The following MARCHF1 variants were observed in gnomAD, a reference collection of about 807,000 sequenced individuals.
MARCHF1 encodes the protein E3 ubiquitin-protein ligase MARCHF1.
A neutral mutation model predicts 54.2 loss-of-function variants in MARCHF1; 40 were observed. That is an observed-to-expected ratio of 0.74 (90% CI 0.57 to 0.96). The LOEUF (loss-of-function observed/expected upper bound fraction) is 0.96, where lower values mean the gene tolerates loss of function less well. Among genes scored for constraint, MARCHF1 ranks in the 40% least tolerant of loss-of-function variants. The pLI is 0.00. For synonymous variants in MARCHF1, 236 were observed against 236.3 expected (o/e 1.00, Z 0.01); for missense variants, 586 against 656.5 (o/e 0.89, Z 1.17).
intron 3 of MARCHF1, among the ~76,000 whole-genome samples, chr4:163,936,624 G>C (rs1751801672): frequency 6.6e-6 from 1 of 152,116 alleles, no homozygotes; most frequent in African/African-American, 2.4e-5. Flanking sequence ...GAGGCCTCTG[G>C]GAGCAGGCAC....
At position 163,737,160 on chromosome 4, in the gene MARCHF1, CTTTCTTTTTTTTTT is replaced by C. The variant is rs1330351252; in HGVS notation, c.112-36311_112-36298del. ...ACTTATCAGCGCTCGCAGCTTTTTT[CTTTCTTTTTTTTTT>C]TTTTTTTTCACATATTAGTTTATTT... On this transcript the variant is annotated intron_variant, in intron 4 of 9. Coordinates refer to ENST00000514618, the MANE Select transcript of MARCHF1 (RefSeq NM_001394959.1). Among the ~76,000 whole-genome samples the C allele has an allele frequency of 1.7e-4, 7 of 41,000 alleles. 1 individual carries two copies. Among genetic ancestry groups the C allele is most frequent in the African/African-American group, 8.6e-4 (7 of 8,140 alleles). 26.9% of individuals were successfully genotyped at this position (41,000 alleles called of 152,430 possible). A position where few individuals can be genotyped will look rare whatever the true frequency, so the allele number is the denominator to read the frequency against.
chr4:164,262,600 T>C (rs1422346485), intron 1 of MARCHF1, among the ~76,000 whole-genome samples: 2 of 152,182 alleles, frequency 1.3e-5, no homozygotes, highest in African/African-American at 4.8e-5. Flanking sequence ...ACCACTTGTC[T>C]TTTTTCAAGG....
At chr4:163,645,837 C>T (rs1042979887) in intron 5 of MARCHF1, among the ~76,000 whole-genome samples, 2 of 152,048 alleles carry the variant, frequency 1.3e-5, no homozygotes, top group Admixed American at 6.6e-5. Flanking sequence ...CAATAAGGGT[C>T]CTTTGGGGCA....
At chr4:163,700,504 A>G (rs1744774082) in intron 5 of MARCHF1, among the ~76,000 whole-genome samples, 1 of 146,502 alleles carries the variant, frequency 6.8e-6, no homozygotes, top group Admixed American at 7.0e-5. Context: ...GACTCTGTCT[A>G]AAAAGATAGA....
intron 5 of MARCHF1, among the ~76,000 whole-genome samples, chr4:163,644,761 G>T (rs964958544): frequency 2.6e-5 from 4 of 152,126 alleles, no homozygotes; most frequent in Non-Finnish European, 5.9e-5. Flanking sequence ...GTCCATGAAC[G>T]GACCTGAAAG....
intron 1 of MARCHF1, among the ~76,000 whole-genome samples, chr4:164,176,754 T>G (rs1730673656): frequency 6.6e-6 from 1 of 151,706 alleles, no homozygotes; most frequent in Non-Finnish European, 1.5e-5. Flanking sequence ...TAGCAGGGGC[T>G]TTAATTTTAT....
chr4:164,356,780 CAA>C (rs58855405), intron 1 of MARCHF1, among the ~76,000 whole-genome samples: 9 of 103,244 alleles, frequency 8.7e-5, no homozygotes, highest in Admixed American at 3.4e-4. Flanking sequence ...AAAAGAAAAG[CAA>C]AAAAAAAAAA....
intron 5 of MARCHF1, 97 bp from the exon 6 acceptor site, chr4:163,613,490 G>A (rs934314041): frequency 8.7e-6 from 14 of 1,611,484 alleles, no homozygotes; most frequent in African/African-American, 4.0e-5. Context: ...TACAACAAAC[G>A]TGGCTGCTGG....
intron 5 of MARCHF1, among the ~76,000 whole-genome samples, chr4:163,619,480 C>G (rs1031924587): frequency 6.6e-6 from 1 of 151,962 alleles, no homozygotes; most frequent in Admixed American, 6.6e-5. Flanking sequence ...TCAGTAGGAT[C>G]CAGAAATGAG....
At chr4:163,889,625 T>C (rs960794896) in intron 3 of MARCHF1, among the ~76,000 whole-genome samples, 1 of 152,168 alleles carries the variant, frequency 6.6e-6, no homozygotes, top group African/African-American at 2.4e-5. Flanking sequence ...TCTCAGATTA[T>C]AGTCTCATTG....
intron 4 of MARCHF1, among the ~76,000 whole-genome samples, chr4:163,770,516 C>T (rs1747123336): frequency 6.8e-6 from 1 of 147,062 alleles, no homozygotes; most frequent in Admixed American, 6.9e-5. Context: ...CATTTTCCCT[C>T]ACTGAACACA....
intron 5 of MARCHF1, among the ~76,000 whole-genome samples, chr4:163,674,797 T>A (rs1428337951): frequency 6.6e-6 from 1 of 152,202 alleles, no homozygotes; most frequent in East Asian, 1.9e-4. Flanking sequence ...AGGTTAAGAT[T>A]GCAGCAATAT....
chr4:164,300,662 C>T (rs944910734), intron 1 of MARCHF1, among the ~76,000 whole-genome samples: 1 of 152,098 alleles, frequency 6.6e-6, no homozygotes, highest in Non-Finnish European at 1.5e-5. Flanking sequence ...CCACCTCACC[C>T]TCCGACTAGC....
At chr4:164,102,622 C>T (rs1441436771) in intron 2 of MARCHF1, among the ~76,000 whole-genome samples, 1 of 151,438 alleles carries the variant, frequency 6.6e-6, no homozygotes, top group African/African-American at 2.4e-5. Flanking sequence ...AAGCACTAAA[C>T]ATGGAAAGGA....
chr4:164,344,458 T>TTGTGTGTG (rs144379635), intron 1 of MARCHF1, among the ~76,000 whole-genome samples: 1,553 of 148,056 alleles, frequency 0.01, 25 homozygotes, highest in East Asian at 0.031. Flanking sequence ...ATGCACGTGT[T>TTGTGTGTG]TGTGTGTGTG....
chr4:164,368,288 ATAATT>A (rs1730937896), intron 1 of MARCHF1, among the ~76,000 whole-genome samples: 1 of 150,868 alleles, frequency 6.6e-6, no homozygotes, highest in Non-Finnish European at 1.5e-5. Context: ...ATTATGTTGA[ATAATT>A]TAAGAACAAA....
chr4:164,001,977 A>G (rs918834867), intron 2 of MARCHF1, among the ~76,000 whole-genome samples: 2 of 151,948 alleles, frequency 1.3e-5, no homozygotes, highest in East Asian at 1.9e-4. Flanking sequence ...AACTTATAGA[A>G]TCATAAGATA....
chr4:163,941,551 C>G (rs4619846), intron 3 of MARCHF1, among the ~76,000 whole-genome samples: 2 of 152,070 alleles, frequency 1.3e-5, no homozygotes, highest in African/African-American at 2.4e-5. Flanking sequence ...TTGCTGTTTA[C>G]TTTGTGTGAC....
intron 4 of MARCHF1, among the ~76,000 whole-genome samples, chr4:163,804,694 G>A (rs1388178599): frequency 6.6e-6 from 1 of 152,120 alleles, no homozygotes; most frequent in African/African-American, 2.4e-5. Context: ...TCCATGCAAA[G>A]CTGAATCAAT....
Sources: gnomAD v4.1 joint callset for allele counts (sites outside exome capture counted in the v4.1 genomes callset) on GRCh38, gnomAD v4.1.1 for gene constraint, MANE v1.5 for transcripts, NCBI Gene and HGNC (gene_info 2026-07-23, HGNC 2026-07-21) for gene names.